Variants in POMK observed in about 807,000 individuals in gnomAD.
POMK encodes Sugen kinase 196.
In POMK, 19 loss-of-function variants were observed where a neutral mutation model predicts 23.0. The observed-to-expected ratio is 0.83, with a 90% CI of 0.58 to 1.21. The LOEUF is 1.21. POMK is among the 50% of genes most tolerant of loss of function. POMK has a pLI of 0.00. For synonymous variants in POMK, 173 were observed against 171.6 expected, an observed-to-expected ratio of 1.01 and a Z score of -0.06; for missense variants, 410 against 431.3, an observed-to-expected ratio of 0.95 and a Z score of 0.44.
At chr8:43,120,888 G>A (rs1811905125) in intron 4 of POMK, among the ~76,000 whole-genome samples, 1 of 152,072 alleles carries the variant, frequency 6.6e-6, no homozygotes, top group Admixed American at 6.5e-5. Context: ...TGTTGGTCAG[G>A]CTGGTCTTGA....
chr8:43,119,492 G>T (rs1448061725), intron 4 of POMK, among the ~76,000 whole-genome samples: 1 of 146,764 alleles, frequency 6.8e-6, no homozygotes, highest in Non-Finnish European at 1.5e-5. Flanking sequence ...GTGTGCAGTG[G>T]TGTGATCTTG....
chr8:43,122,291 C>T lies in POMK; in HGVS notation c.467C>T (p.Ser156Phe). Residue 156 changes from serine to phenylalanine, a missense_variant, in exon 5 of 5, where the codon TCC becomes TTC. By Grantham distance (155) the Ser-to-Phe change is radical. Coordinates refer to ENST00000331373, the MANE Select transcript of POMK (RefSeq NM_032237.5). ...TMLTEYHPLG[S>F]LSNLEETLNL... ...CTTACTGAATATCACCCTCTAGGTTCCTTGAGTAACCTGGAAGAAACACTA... is the reference window on the plus strand; with the variant it reads ...CTTACTGAATATCACCCTCTAGGTTTCTTGAGTAACCTGGAAGAAACACTA... 6.2e-7 allele frequency: 1 copy of T among 1,614,010 alleles called. No individual in the cohort carries two copies. Among genetic ancestry groups the T allele is most frequent in the Non-Finnish European group, 8.5e-7 (1 of 1,179,858 alleles).
rs1811689944 is a variant in POMK at position 43,112,323 on chromosome 8, G to A, written c.282+8493G>A. Among the ~76,000 whole-genome samples the A allele has an allele frequency of 2.0e-5, 3 of 152,200 alleles. No individual in the cohort carries two copies. The South Asian group carries it at 6.2e-4, about 32-fold the overall frequency. On this transcript the variant is annotated intron_variant, in intron 4 of 4. Coordinates refer to ENST00000331373, the MANE Select transcript of POMK (RefSeq NM_032237.5). ...ACTGGAAGATAGGGTATCAGTGATG[G>A]AAGACGAAATGAATGAAATGAAGCG... is the stretch of plus-strand genomic sequence containing the variant.
chr8:43,110,620 T>C (rs1811632463), intron 4 of POMK, among the ~76,000 whole-genome samples: 1 of 152,216 alleles, frequency 6.6e-6, no homozygotes, highest in Non-Finnish European at 1.5e-5. Flanking sequence ...AGATCTTTTC[T>C]TATATAAAAT....
At chr8:43,102,202 CTG>C (rs1330780534) in intron 2 of POMK, among the ~76,000 whole-genome samples, 5 of 152,210 alleles carry the variant, frequency 3.3e-5, no homozygotes, top group Non-Finnish European at 5.9e-5. Flanking sequence ...GTGTAATTCA[CTG>C]TGTGTGAATG....
At chr8:43,120,233 G>A (rs1811885182) in intron 4 of POMK, among the ~76,000 whole-genome samples, 1 of 147,048 alleles carries the variant, frequency 6.8e-6, no homozygotes, top group Admixed American at 6.8e-5. Flanking sequence ...TTTTTGAGAT[G>A]GAGTTTCACT....
At chr8:43,114,607 G>T (rs1018946684) in intron 4 of POMK, among the ~76,000 whole-genome samples, 1 of 152,216 alleles carries the variant, frequency 6.6e-6, no homozygotes, top group East Asian at 1.9e-4. Flanking sequence ...TGCACGGTGC[G>T]CTGCACCCAC....
intron 4 of POMK, among the ~76,000 whole-genome samples, chr8:43,104,363 C>T (rs1237686557): frequency 6.6e-6 from 1 of 152,120 alleles, no homozygotes; most frequent in African/African-American, 2.4e-5. Context: ...CTTAAGTGAT[C>T]TACCTGCCTC....
intron 2 of POMK, among the ~76,000 whole-genome samples, chr8:43,100,529 G>T (rs1464328701): frequency 6.6e-6 from 1 of 151,850 alleles, no homozygotes; most frequent in Non-Finnish European, 1.5e-5. Flanking sequence ...GTCTGTGGGG[G>T]CCTGCAGGGT....
chr8:43,096,316 G>A (rs369181659), intron 1 of POMK, among the ~76,000 whole-genome samples: 1 of 152,138 alleles, frequency 6.6e-6, no homozygotes, highest in South Asian at 2.1e-4. Context: ...TGGGCCGAGT[G>A]GGGGGCTGTT....
chr8:43,122,280 C>A lies in POMK; in HGVS notation c.456C>A (p.His152Gln), dbSNP rs1363145685. ...ACAACACTATGCTTACTGAATATCACCCTCTAGGTTCCTTGAGTAACCTGG... is the reference window on the plus strand; with the variant it reads ...ACAACACTATGCTTACTGAATATCAACCTCTAGGTTCCTTGAGTAACCTGG... Reference protein sequence around the residue: ...EDDNTMLTEYHPLGSLSNLEE... With the variant: ...EDDNTMLTEYQPLGSLSNLEE... Residue 152 changes from histidine (H) to glutamine (Q), a missense_variant, in exon 5 of 5, where the codon CAC becomes CAA. Physicochemically the swap from His to Gln is conservative, Grantham distance 24. Transcript: ENST00000331373. The A allele has an allele frequency of 1.2e-6, 2 of 1,614,196 alleles. No individual in the cohort carries two copies. Among genetic ancestry groups the A allele is most frequent in the African/African-American group, 1.3e-5 (1 of 75,048 alleles).
chr8:43,115,528 A>G (rs1406990432), intron 4 of POMK, among the ~76,000 whole-genome samples: 2 of 152,094 alleles, frequency 1.3e-5, no homozygotes, highest in Non-Finnish European at 2.9e-5. Flanking sequence ...TCAGCAAGTT[A>G]CATTGTTTCT....
At chr8:43,101,355 C>G (rs1811436488) in intron 2 of POMK, among the ~76,000 whole-genome samples, 1 of 147,704 alleles carries the variant, frequency 6.8e-6, no homozygotes, top group South Asian at 2.1e-4. Flanking sequence ...GAGTTTGAGG[C>G]TGCATTGAGC....
chr8:43,121,994 G>C lies in POMK; in HGVS notation c.283-113G>C, dbSNP rs1811926380. On this transcript the variant is annotated intron_variant, in intron 4 of 4. Transcript: ENST00000331373. ...AACTCTACGATGGGGTCTGCACCTT[G>C]TTAATTTCTGTATCTTCTGCAGAAC... The C allele has an allele frequency of 1.4e-5, 15 of 1,049,312 alleles. No individual in the cohort carries two copies. In the South Asian group the frequency reaches 2.2e-4, roughly 15 times the overall value. The allele number at this position is 1,049,312 out of a possible 1,614,324, so 65.0% of individuals were successfully genotyped here. A position where few individuals can be genotyped will look rare whatever the true frequency, so the allele number is the denominator to read the frequency against.
At chr8:43,100,343 G>A (rs1235178453) in intron 2 of POMK, among the ~76,000 whole-genome samples, 1 of 152,110 alleles carries the variant, frequency 6.6e-6, no homozygotes, top group Non-Finnish European at 1.5e-5. Flanking sequence ...GTGTATCACA[G>A]GGGTAGGGTG....
At position 43,121,416 on chromosome 8, in the gene POMK, A is replaced by G. The variant is rs1233879811; in HGVS notation, c.283-691A>G. On this transcript the variant is annotated intron_variant, in intron 4 of 4. Coordinates refer to ENST00000331373, the MANE Select transcript of POMK (RefSeq NM_032237.5). ...TGCTCTTCTATTAGCTGTGGACTCT[A>G]TGAGAAGGTCTAGTGTTTATGTAGC... is the stretch of plus-strand genomic sequence containing the variant. 1.3e-5 allele frequency among the ~76,000 whole-genome samples: 2 copies of G among 152,230 alleles called. 1 individual carries two copies. Among genetic ancestry groups the G allele is most frequent in the Non-Finnish European group, 2.9e-5 (2 of 68,036 alleles).
At chr8:43,119,949 T>A (rs932684427) in intron 4 of POMK, among the ~76,000 whole-genome samples, 1 of 150,976 alleles carries the variant, frequency 6.6e-6, no homozygotes, top group Non-Finnish European at 1.5e-5. Context: ...TTTTTTTTTT[T>A]AAATTCCCAA....
chr8:43,098,941 T>C (rs1383298549), intron 2 of POMK, among the ~76,000 whole-genome samples: 2 of 152,212 alleles, frequency 1.3e-5, no homozygotes, highest in Non-Finnish European at 2.9e-5. Flanking sequence ...TTGCCCATTT[T>C]AAAAATTTTA....
chr8:43,097,454 G>T (rs979122323), intron 1 of POMK, 70 bp from the exon 2 acceptor site: 2 of 152,132 alleles, frequency 1.3e-5, no homozygotes, highest in African/African-American at 4.8e-5. Flanking sequence ...AAAAAATGAT[G>T]CAGTGTGACT....
Sources: allele counts gnomAD v4.1 joint callset (sites outside exome capture counted in the v4.1 genomes callset), GRCh38; gene constraint gnomAD v4.1.1; transcripts MANE v1.5; gene names NCBI Gene and HGNC (gene_info 2026-07-23, HGNC 2026-07-21).